RRM1: variants seen among roughly 807,000 people sequenced by gnomAD.
RRM1 encodes ribonucleotide reductase catalytic subunit M1.
In RRM1, 19 loss-of-function variants were observed where a neutral mutation model predicts 101.5. That is an observed-to-expected ratio of 0.19 (90% CI 0.13 to 0.27). The LOEUF is 0.27. RRM1 is among the 10% of genes least tolerant of loss of function. The probability of loss-of-function intolerance (pLI) is 1.00; values close to 1 mark genes in which losing one functional copy is unlikely to be tolerated. For synonymous variants in RRM1, 298 were observed against 323.4 expected, an observed-to-expected ratio of 0.92 and a Z score of 0.84; for missense variants, 500 against 962.9, an observed-to-expected ratio of 0.52 and a Z score of 6.36.
chr11:4,095,878 A>G (rs965997531), intron 1 of RRM1, among the ~76,000 whole-genome samples: 7 of 152,118 alleles, frequency 4.6e-5, no homozygotes, highest in Non-Finnish European at 1.0e-4. Context: ...ACTTTTAACA[A>G]CCGCATGAGA....
chr11:4,096,598 C>CT (rs751360507), intron 1 of RRM1, among the ~76,000 whole-genome samples: 4 of 152,128 alleles, frequency 2.6e-5, no homozygotes, highest in African/African-American at 7.2e-5. Context: ...ACATAGTGCA[C>CT]TTTTATTGAT....
Position 4,104,470 on chromosome 11 carries a change from T to C in RRM1, c.109-1576T>C, listed in dbSNP as rs529329236. Among the ~76,000 whole-genome samples, 7 of 152,338 alleles carry C rather than the reference T, an allele frequency of 4.6e-5. No individual in the cohort carries two copies. In the South Asian group the frequency reaches 1.4e-3, roughly 32 times the overall value. On this transcript the variant is annotated intron_variant, in intron 2 of 18. Transcript: ENST00000300738. The stretch of plus-strand genomic sequence containing the variant: ...AAACCACTCACAACTTAGAATTTGT[T>C]TTTCTTAAAAATGTATGCTAATACC...
At chr11:4,119,984 A>G (rs751765938) in intron 9 of RRM1, 56 bp downstream of exon 9, 8 of 1,032,492 alleles carry the variant, frequency 7.7e-6, no homozygotes, top group Admixed American at 5.9e-5. Context: ...ATTTAGTCAT[A>G]TACACTTAAG....
chr11:4,111,738 AT>A (rs1171633676), intron 6 of RRM1, 98 bp downstream of exon 6: 2 of 1,271,054 alleles, frequency 1.6e-6, no homozygotes, highest in Non-Finnish European at 2.2e-6. Context: ...TAGACTCTAG[AT>A]AACATTTTGG....
intron 5 of RRM1, among the ~76,000 whole-genome samples, chr11:4,110,768 CAAAA>C: frequency 1.9e-5 from 1 of 51,358 alleles, no homozygotes. Flanking sequence ...GACTCTGTCT[CAAAA>C]AAAAAAAAAA....
At chr11:4,131,764 C>T (rs1471444741) in intron 15 of RRM1, among the ~76,000 whole-genome samples, 2 of 152,178 alleles carry the variant, frequency 1.3e-5, no homozygotes, top group Non-Finnish European at 2.9e-5. Flanking sequence ...AGCATAATTT[C>T]TTCCTCTTTA....
chr11:4,099,100 T>C (rs554695405), intron 1 of RRM1, among the ~76,000 whole-genome samples: 16 of 152,280 alleles, frequency 1.1e-4, no homozygotes, highest in African/African-American at 3.9e-4. Context: ...AGACAGTTTA[T>C]AGCCAAGAGG....
chr11:4,126,398 T>C (rs1422012015), intron 12 of RRM1, among the ~76,000 whole-genome samples: 1 of 152,174 alleles, frequency 6.6e-6, no homozygotes, highest in Non-Finnish European at 1.5e-5. Context: ...TATAACATAG[T>C]GTGATATATG....
At chr11:4,105,331 A>G (rs1364798230) in intron 2 of RRM1, among the ~76,000 whole-genome samples, 1 of 151,852 alleles carries the variant, frequency 6.6e-6, no homozygotes, top group Non-Finnish European at 1.5e-5. Context: ...CCTCAGCACA[A>G]GCAATCCTCC....
At chr11:4,118,956 T>A (rs955223379) in intron 8 of RRM1, 1 of 152,650 alleles carries the variant, frequency 6.6e-6, no homozygotes, top group African/African-American at 2.4e-5. Context: ...ACTTAATATG[T>A]GGTAGAGCCA....
At chr11:4,117,116 G>GTA (rs1028502995) in intron 7 of RRM1, among the ~76,000 whole-genome samples, 6 of 152,204 alleles carry the variant, frequency 3.9e-5, no homozygotes, top group South Asian at 2.1e-4. Context: ...TGAAAATTAT[G>GTA]TATATATATA....
chr11:4,112,075 A>G lies in RRM1; in HGVS notation c.650+13A>G. 6.2e-7 allele frequency: 1 copy of G among 1,608,454 alleles called. No homozygotes were observed. Among genetic ancestry groups the G allele is most frequent in the South Asian group, 1.1e-5 (1 of 89,996 alleles). On this transcript the variant is annotated intron_variant, in intron 7 of 18. Transcript: ENST00000300738. ...CACAACTTTCTAGGTAGGTGTTTTGAGTAGGGAAATACGCCTTGACCTGAA... is the reference window on the plus strand; with the variant it reads ...CACAACTTTCTAGGTAGGTGTTTTGGGTAGGGAAATACGCCTTGACCTGAA...
At chr11:4,101,250 G>C (rs1485891899) in intron 1 of RRM1, among the ~76,000 whole-genome samples, 1 of 151,630 alleles carries the variant, frequency 6.6e-6, no homozygotes, top group East Asian at 1.9e-4. Flanking sequence ...TAGGAAGGAA[G>C]GTGGGAGAGT....
intron 1 of RRM1, 142 bp downstream of exon 1, chr11:4,095,173 C>A: frequency 9.9e-7 from 1 of 1,011,840 alleles, no homozygotes; most frequent in Non-Finnish European, 1.5e-6. Flanking sequence ...GCCCTGTCAG[C>A]CCGCTCGGCC....
At chr11:4,099,950 C>G (rs191407780) in intron 1 of RRM1, among the ~76,000 whole-genome samples, 11 of 151,906 alleles carry the variant, frequency 7.2e-5, no homozygotes, top group Admixed American at 1.3e-4. Flanking sequence ...CTTTCCCCCC[C>G]CACTGCATGT....
intron 14 of RRM1, among the ~76,000 whole-genome samples, chr11:4,128,161 CT>C (rs146980476): frequency 0.13 from 17,006 of 132,846 alleles, 1,923 homozygotes; most frequent in African/African-American, 0.34. Context: ...CCCTGTCCCG[CT>C]TTTTTTTTTT....
chr11:4,104,253 T>G (rs1434172286), intron 2 of RRM1, among the ~76,000 whole-genome samples: 1 of 152,220 alleles, frequency 6.6e-6, no homozygotes, highest in Non-Finnish European at 1.5e-5. Context: ...TGAACACACC[T>G]TATCTGCTGG....
intron 15 of RRM1, 23 bp downstream of exon 15, chr11:4,129,173 G>C: frequency 7.0e-7 from 1 of 1,433,098 alleles, no homozygotes. Flanking sequence ...ATGTAAAGTA[G>C]CTTTGAAGGC....
At chr11:4,124,374 C>T (rs555558985) in intron 12 of RRM1, among the ~76,000 whole-genome samples, 14 of 150,876 alleles carry the variant, frequency 9.3e-5, no homozygotes, top group Admixed American at 2.6e-4. Context: ...ATTCTAGGAC[C>T]TTAAAAAAAA....
Sources: gnomAD v4.1 joint callset for allele counts (sites outside exome capture counted in the v4.1 genomes callset) on GRCh38, gnomAD v4.1.1 for gene constraint, MANE v1.5 for transcripts, NCBI Gene and HGNC (gene_info 2026-07-23, HGNC 2026-07-21) for gene names.